Variants in EXOC6B observed in about 807,000 individuals in gnomAD.
EXOC6B encodes SEC15 homolog B.
A neutral mutation model predicts 113.5 loss-of-function variants in EXOC6B; 54 were observed. The observed-to-expected ratio is 0.48, with a 90% CI of 0.38 to 0.60. EXOC6B has a LOEUF of 0.60. Ranked by LOEUF, EXOC6B falls within the 20% of genes least tolerant of loss-of-function variation. EXOC6B has a pLI of 0.00. For missense variants in EXOC6B, 797 were observed against 977.5 expected (o/e 0.82, Z 2.46); for synonymous variants, 357 against 339.0 (o/e 1.05, Z -0.58).
chr2:72,675,927 C>A (rs1676265325), intron 6 of EXOC6B, among the ~76,000 whole-genome samples: 1 of 152,056 alleles, frequency 6.6e-6, no homozygotes, highest in African/African-American at 2.4e-5. Flanking sequence ...TAATACCTCC[C>A]TGGCACTTGA....
At chr2:72,445,304 A>C (rs1437401050) in intron 18 of EXOC6B, among the ~76,000 whole-genome samples, 2 of 152,160 alleles carry the variant, frequency 1.3e-5, no homozygotes, top group Non-Finnish European at 2.9e-5. Flanking sequence ...TTTTGATCAA[A>C]GCCATTCAAC....
intron 18 of EXOC6B, among the ~76,000 whole-genome samples, chr2:72,411,178 C>T (rs1410490985): frequency 6.6e-6 from 1 of 152,128 alleles, no homozygotes; most frequent in Non-Finnish European, 1.5e-5. Flanking sequence ...TGCCACTGCA[C>T]TCCAGCCTGG....
At position 72,465,287 on chromosome 2, in the gene EXOC6B, A is replaced by G. The variant is rs1252884899; in HGVS notation, c.1853T>C (p.Ile618Thr). 6.2e-7 allele frequency: 1 copy of G among 1,608,682 alleles called. No individual in the cohort carries two copies. The highest frequency in any genetic ancestry group is 1.7e-4 in the Middle Eastern group (1 of 6,056). ...GTCTGCCAGCTGTAGGAACTGGTCAATCTTCTGGTTTAAGTTGGTATAAAT... is the reference window on the plus strand; with the variant it reads ...GTCTGCCAGCTGTAGGAACTGGTCAGTCTTCTGGTTTAAGTTGGTATAAAT... ...EEIYTNLNQK[I>T]DQFLQLADYD... The change falls in exon 18 of 22, where the codon ATT (isoleucine) becomes ACT (threonine). Residue 618 changes from isoleucine (I) to threonine (T), a missense_variant. Ile to Thr is a moderately conservative substitution (Grantham distance 89). Transcript: ENST00000272427.
At chr2:72,570,715 G>A (rs1430357366) in intron 7 of EXOC6B, among the ~76,000 whole-genome samples, 1 of 152,142 alleles carries the variant, frequency 6.6e-6, no homozygotes, top group Non-Finnish European at 1.5e-5. Context: ...AAGCTCTGAA[G>A]TAACCTAGAA....
At chr2:72,707,915 G>T (rs541041786) in intron 6 of EXOC6B, among the ~76,000 whole-genome samples, 1 of 152,032 alleles carries the variant, frequency 6.6e-6, no homozygotes, top group African/African-American at 2.4e-5. Context: ...ATAAAAGGAA[G>T]AAATAAAATA....
intron 1 of EXOC6B, among the ~76,000 whole-genome samples, chr2:72,752,006 T>C (rs560923720): frequency 1.8e-4 from 27 of 152,282 alleles, no homozygotes; most frequent in South Asian, 1.2e-3. Flanking sequence ...AAGCTTGCTA[T>C]GATGGAGCTA....
At chr2:72,422,148 C>T (rs935548285) in intron 18 of EXOC6B, among the ~76,000 whole-genome samples, 1 of 152,208 alleles carries the variant, frequency 6.6e-6, no homozygotes, top group East Asian at 1.9e-4. Flanking sequence ...GCCTCCCCAA[C>T]GAGCACCACC....
intron 8 of EXOC6B, among the ~76,000 whole-genome samples, chr2:72,544,070 G>GT (rs1453407090): frequency 1.3e-5 from 2 of 152,170 alleles, no homozygotes; most frequent in Non-Finnish European, 2.9e-5. Context: ...ACTTGCATTT[G>GT]TTTTAGATGT....
chr2:72,432,238 G>C (rs1695583102), intron 18 of EXOC6B, among the ~76,000 whole-genome samples: 1 of 151,966 alleles, frequency 6.6e-6, no homozygotes, highest in African/African-American at 2.4e-5. Flanking sequence ...GTTTCACCAT[G>C]TTGGTCAAGC....
intron 10 of EXOC6B, among the ~76,000 whole-genome samples, chr2:72,513,884 G>T (rs1198269794): frequency 6.6e-6 from 1 of 151,688 alleles, no homozygotes; most frequent in Non-Finnish European, 1.5e-5. Flanking sequence ...CTTTATTAGG[G>T]AATTTTTATG....
intron 18 of EXOC6B, 86 bp from the exon 19 acceptor site, chr2:72,379,956 T>G (rs1691589020): frequency 1.5e-6 from 2 of 1,314,150 alleles, no homozygotes; most frequent in South Asian, 3.2e-5. Context: ...ATTACTTCTT[T>G]TTCAATTAGG....
chr2:72,485,164 C>T (rs1490474405), intron 16 of EXOC6B, among the ~76,000 whole-genome samples: 1 of 152,178 alleles, frequency 6.6e-6, no homozygotes, highest in African/African-American at 2.4e-5. Flanking sequence ...GGAACCTGAA[C>T]CATGATGACA....
At chr2:72,307,595 C>T (rs1686959523) in intron 20 of EXOC6B, among the ~76,000 whole-genome samples, 1 of 152,300 alleles carries the variant, frequency 6.6e-6, no homozygotes, top group African/African-American at 2.4e-5. Flanking sequence ...CATCTGTCAC[C>T]AGGCTAAAGC....
chr2:72,568,244 A>G (rs1704304823), intron 7 of EXOC6B, among the ~76,000 whole-genome samples: 1 of 152,040 alleles, frequency 6.6e-6, no homozygotes, highest in Admixed American at 6.6e-5. Context: ...CATAAAAATC[A>G]ATGTGTAAAA....
chr2:72,806,457 T>C (rs987784078), intron 1 of EXOC6B, among the ~76,000 whole-genome samples: 3 of 152,224 alleles, frequency 2.0e-5, no homozygotes, highest in East Asian at 1.9e-4. Flanking sequence ...GTTGATTCTA[T>C]GTTTTGGCTA....
intron 1 of EXOC6B, among the ~76,000 whole-genome samples, chr2:72,756,382 A>G (rs981453920): frequency 1.6e-4 from 24 of 152,198 alleles, no homozygotes; most frequent in African/African-American, 5.8e-4. Context: ...TCGATTTATA[A>G]CCTAATCATG....
rs1289330001 is a variant in EXOC6B, at chr2:72,451,657, T to TGTGTGTGG, written c.1980+13502_1980+13503insCCACACAC. 1.2e-3 allele frequency among the ~76,000 whole-genome samples: 167 copies of TGTGTGTGG among 137,232 alleles called. 1 individual carries two copies. The highest frequency in any genetic ancestry group is 4.5e-3 in the African/African-American group (162 of 36,260). 90.0% of individuals were successfully genotyped at this position (137,232 alleles called of 152,430 possible). A position where few individuals can be genotyped will look rare whatever the true frequency, so the allele number is the denominator to read the frequency against. On this transcript the variant is annotated intron_variant, in intron 18 of 21. Transcript: ENST00000272427. Reference sequence around the variant, plus strand: ...AATTCACTTTTTGTCTTTGTGCCTGTGTGTGTGTGTGTGTGTGTGTGTGTG... The same window carrying TGTGTGTGG: ...AATTCACTTTTTGTCTTTGTGCCTGTGTGTGTGGGTGTGTGTGTGTGTGTGTGTGTGTG...
intron 18 of EXOC6B, among the ~76,000 whole-genome samples, chr2:72,407,883 G>C (rs1693889527): frequency 6.6e-6 from 1 of 152,138 alleles, no homozygotes; most frequent in South Asian, 2.1e-4. Context: ...GACAGGAGAA[G>C]GAAATAAAGG....
intron 19 of EXOC6B, among the ~76,000 whole-genome samples, chr2:72,343,488 C>T (rs1160642013): frequency 1.3e-5 from 2 of 152,112 alleles, no homozygotes; most frequent in East Asian, 3.9e-4. Flanking sequence ...TTTATAATTG[C>T]CCATGTATGT....
Sources: allele counts gnomAD v4.1 joint callset (sites outside exome capture counted in the v4.1 genomes callset), GRCh38; gene constraint gnomAD v4.1.1; transcripts MANE v1.5; gene names NCBI Gene and HGNC (gene_info 2026-07-23, HGNC 2026-07-21).